ZNF560: variants seen among roughly 807,000 people sequenced by gnomAD.
ZNF560 encodes zinc finger protein 560.
Under a neutral mutation model 81.8 loss-of-function variants are expected in ZNF560, and 54 were observed. The ratio of observed to expected loss-of-function variants is 0.66; its 90% CI spans 0.53 to 0.83. The LOEUF is 0.83. Among genes scored for constraint, ZNF560 ranks in the 40% least tolerant of loss-of-function variants. The pLI is 0.00. For missense variants in ZNF560, 940 were observed against 932.4 expected (o/e 1.01, Z -0.11); for synonymous variants, 321 against 317.9 (o/e 1.01, Z -0.10).
chr19:9,499,138 A>G (rs1453208919), upstream of ZNF560, among the ~76,000 whole-genome samples: 1 of 151,856 alleles, frequency 6.6e-6, no homozygotes, highest in Admixed American at 6.6e-5. Flanking sequence ...CTTTCTGTAA[A>G]TATTGCAATT....
intron 2 of ZNF560, among the ~76,000 whole-genome samples, chr19:9,491,635 G>T (rs761065222): frequency 2.6e-5 from 4 of 151,732 alleles, no homozygotes; most frequent in Non-Finnish European, 2.9e-5. Flanking sequence ...GACTATCCTG[G>T]CTAACATGGT....
chr19:9,500,866 C>A (rs1389005083), upstream of ZNF560, among the ~76,000 whole-genome samples: 2 of 152,080 alleles, frequency 1.3e-5, no homozygotes, highest in African/African-American at 2.4e-5. Flanking sequence ...TGAGCCACCA[C>A]GCCTGGCCAG....
intron 2 of ZNF560, among the ~76,000 whole-genome samples, chr19:9,482,800 T>C (rs1272381193): frequency 6.6e-6 from 1 of 152,158 alleles, no homozygotes; most frequent in African/African-American, 2.4e-5. Context: ...GTGCCTGCAA[T>C]TGCAGGCGTG....
intron 2 of ZNF560, among the ~76,000 whole-genome samples, chr19:9,496,616 G>C (rs1395635475): frequency 6.7e-6 from 1 of 148,876 alleles, no homozygotes; most frequent in Non-Finnish European, 1.5e-5. Flanking sequence ...GGGGGACAGG[G>C]AGGAAGGCAA....
At chr19:9,462,326 C>T (rs1412845094), downstream of ZNF560, among the ~76,000 whole-genome samples, 5 of 152,226 alleles carry the variant, frequency 3.3e-5, no homozygotes, top group Non-Finnish European at 7.3e-5. Flanking sequence ...ATGGCATAAG[C>T]AATCTGTGCC....
chr19:9,479,400 GA>G (rs1262059497), intron 2 of ZNF560, among the ~76,000 whole-genome samples: 1 of 151,742 alleles, frequency 6.6e-6, no homozygotes, highest in Non-Finnish European at 1.5e-5. Flanking sequence ...AAGGGCAGGG[GA>G]AAAAACACTC....
the ZNF560 span, among the ~76,000 whole-genome samples, chr19:9,458,620 C>CT: frequency 6.6e-6 from 1 of 152,206 alleles, no homozygotes; most frequent in African/African-American, 2.4e-5. Flanking sequence ...AGAATGCACC[C>CT]TTTTTACATC....
intron 2 of ZNF560, among the ~76,000 whole-genome samples, chr19:9,494,586 A>G (rs970277499): frequency 6.6e-6 from 1 of 152,096 alleles, no homozygotes; most frequent in Non-Finnish European, 1.5e-5. Flanking sequence ...AATACAAAAA[A>G]TTAGCCAGGC....
chr19:9,456,373 G>A, the ZNF560 span, among the ~76,000 whole-genome samples: 40 of 152,296 alleles, frequency 2.6e-4, 1 homozygote, highest in African/African-American at 8.2e-4. Context: ...AATTCAAATC[G>A]TTATATCTAC....
chr19:9,497,696 G>A (rs912474952), intron 2 of ZNF560, among the ~76,000 whole-genome samples: 41 of 152,210 alleles, frequency 2.7e-4, no homozygotes, highest in African/African-American at 9.4e-4. Flanking sequence ...GTACTGGATG[G>A]TCAACATACC....
chr19:9,458,664 C>A, the ZNF560 span, among the ~76,000 whole-genome samples: 3 of 152,232 alleles, frequency 2.0e-5, no homozygotes, highest in South Asian at 6.2e-4. Flanking sequence ...TCTTCCAGGA[C>A]CTTTGACTGT....
At chr19:9,501,774 A>G (rs1430054285), upstream of ZNF560, among the ~76,000 whole-genome samples, 1 of 152,066 alleles carries the variant, frequency 6.6e-6, no homozygotes, top group Non-Finnish European at 1.5e-5. Flanking sequence ...TGCTAGGATT[A>G]CAGGCATGAG....
intron 3 of ZNF560, 119 bp from the exon 4 acceptor site, chr19:9,474,444 C>G: frequency 8.7e-7 from 1 of 1,143,308 alleles, no homozygotes; most frequent in East Asian, 2.4e-5. Flanking sequence ...ATTATCTACC[C>G]AAAGCTTAAT....
the ZNF560 span, among the ~76,000 whole-genome samples, chr19:9,447,277 C>T: frequency 1.3e-5 from 2 of 152,016 alleles, no homozygotes. Flanking sequence ...ATTTTAGCCC[C>T]AACCCTCTCC....
Position 9,467,833 on chromosome 19 carries a change from C to T in ZNF560, c.1114G>A (p.Gly372Arg). 2 of 1,614,158 alleles carry T rather than the reference C, an allele frequency of 1.2e-6. No homozygotes were observed. The highest frequency in any genetic ancestry group is 1.7e-6 in the Non-Finnish European group (2 of 1,180,030). ...TGCTTACATTTATAAGGTTTTATCCCAATGTGGGTTTGCATGTGATTATTA... is the reference window on the plus strand; with the variant it reads ...TGCTTACATTTATAAGGTTTTATCCTAATGTGGGTTTGCATGTGATTATTA... ...HLNNHMQTHI[G>R]IKPYKCKHCG... The change falls in exon 10 of 10, where the codon GGG becomes AGG. Residue 372 changes from glycine to arginine, a missense_variant. Physicochemically the swap from Gly to Arg is moderately radical, Grantham distance 125. Coordinates refer to ENST00000301480, the MANE Select transcript of ZNF560 (RefSeq NM_152476.3).
At chr19:9,482,952 C>T (rs1470958640) in intron 2 of ZNF560, among the ~76,000 whole-genome samples, 1 of 152,230 alleles carries the variant, frequency 6.6e-6, no homozygotes, top group Admixed American at 6.5e-5. Context: ...GATGGAGTCT[C>T]GTTCACTCAG....
chr19:9,469,700 G>A lies in ZNF560; in HGVS notation c.459C>T (p.Leu153=), dbSNP rs747698465. 1.7e-5 allele frequency: 27 copies of A among 1,614,066 alleles called. No homozygotes were observed. In the Admixed American group the frequency reaches 4.0e-4, roughly 24 times the overall value. The change falls in exon 8 of 10, where the codon CTC becomes CTT. Residue 153 remains leucine (L), a synonymous_variant. Transcript: ENST00000301480. The stretch of plus-strand genomic sequence containing the variant: ...GCCAAGAGATCAGACTGGGTTTGAA[G>A]AGCTGGTAACCTGTACACAGGGAAA... ...YKNLSSVGYQ[L]FKPSLISWLE...
chr19:9,469,229 A>G, intron 8 of ZNF560, 42 bp from the exon 9 acceptor site: 1 of 1,420,010 alleles, frequency 7.0e-7, no homozygotes, highest in Middle Eastern at 2.1e-4. Flanking sequence ...TTTACACATG[A>G]AATGGTAGGT....
chr19:9,470,276 T>C (rs1044840913), intron 7 of ZNF560, 116 bp downstream of exon 7: 20 of 1,401,406 alleles, frequency 1.4e-5, no homozygotes, highest in Non-Finnish European at 1.9e-5. Context: ...AAATTTTTTT[T>C]CAGTGTGTAT....
Sources: gnomAD v4.1 joint callset for allele counts (sites outside exome capture counted in the v4.1 genomes callset) on GRCh38, gnomAD v4.1.1 for gene constraint, MANE v1.5 for transcripts, NCBI Gene and HGNC (gene_info 2026-07-23, HGNC 2026-07-21) for gene names.